ARSB: variants seen among roughly 807,000 people sequenced by gnomAD.
ARSB encodes the protein arylsulfatase B.
ARSB carries 41 observed loss-of-function variants against 50.9 expected under a neutral mutation model. The observed-to-expected ratio is 0.81, with a 90% CI of 0.63 to 1.04. ARSB has a LOEUF of 1.04. Ranked by LOEUF, ARSB falls within the 50% of genes least tolerant of loss-of-function variation. The pLI, the probability that ARSB is intolerant of heterozygous loss-of-function variation, is 0.00. For missense variants in ARSB, 672 were observed against 693.3 expected, an observed-to-expected ratio of 0.97 and a Z score of 0.35; for synonymous variants, 269 against 284.8, an observed-to-expected ratio of 0.94 and a Z score of 0.56.
intron 5 of ARSB, among the ~76,000 whole-genome samples, chr5:78,851,213 C>G (rs1245569699): frequency 6.6e-6 from 1 of 152,124 alleles, no homozygotes; most frequent in Non-Finnish European, 1.5e-5. Context: ...ATAAATTTCC[C>G]ACTACACACT....
chr5:78,848,963 T>C (rs1444496293), intron 5 of ARSB, among the ~76,000 whole-genome samples: 1 of 152,246 alleles, frequency 6.6e-6, no homozygotes, highest in Non-Finnish European at 1.5e-5. Context: ...TTCTGGATAT[T>C]AGCCCTTTGT....
chr5:78,923,247 G>C (rs540052100), intron 4 of ARSB, among the ~76,000 whole-genome samples: 132 of 152,290 alleles, frequency 8.7e-4, no homozygotes, highest in African/African-American at 2.8e-3. Flanking sequence ...TCACAGCTGG[G>C]GGATCCATGG....
chr5:78,870,975 T>C (rs1000100974), intron 5 of ARSB, among the ~76,000 whole-genome samples: 5 of 151,924 alleles, frequency 3.3e-5, no homozygotes, highest in African/African-American at 1.2e-4. Context: ...AGTCTCAGGA[T>C]ACAAAATCAA....
intron 5 of ARSB, among the ~76,000 whole-genome samples, chr5:78,879,892 T>C (rs1451527104): frequency 2.0e-5 from 3 of 152,208 alleles, no homozygotes; most frequent in African/African-American, 7.2e-5. Context: ...AGCGGTTTTT[T>C]GCTTTCTAAA....
In ARSB at chr5:78,778,896, T is replaced by C. The variant is rs193031954; in HGVS notation, c.*1501A>G. 1.3e-5 allele frequency: 2 copies of C among 152,262 alleles called. No homozygotes were observed. Among genetic ancestry groups the C allele is most frequent in the East Asian group, 3.9e-4 (2 of 5,176 alleles). 9.4% of individuals were successfully genotyped at this position (152,262 alleles called of 1,614,324 possible). On this transcript the variant is annotated 3_prime_UTR_variant, in exon 8 of 8. Coordinates refer to ENST00000264914, the MANE Select transcript of ARSB (RefSeq NM_000046.5). The stretch of plus-strand genomic sequence containing the variant: ...AGCTGGGTGTGGCGGTATATGCCTG[T>C]AGTTCCAGCTATTTGGGTGCCTGAG...
At chr5:78,794,835 G>T (rs1193578357) in intron 6 of ARSB, among the ~76,000 whole-genome samples, 1 of 152,188 alleles carries the variant, frequency 6.6e-6, no homozygotes, top group Non-Finnish European at 1.5e-5. Flanking sequence ...AACATGTGCT[G>T]TTCTGTTTTC....
At chr5:78,934,123 G>A (rs543462115) in intron 4 of ARSB, among the ~76,000 whole-genome samples, 1 of 152,300 alleles carries the variant, frequency 6.6e-6, no homozygotes, top group Admixed American at 6.5e-5. Flanking sequence ...AATGGTCTCT[G>A]CATTAGCCCT....
chr5:78,786,448 C>T (rs558487440), intron 6 of ARSB, among the ~76,000 whole-genome samples: 60 of 152,224 alleles, frequency 3.9e-4, no homozygotes, highest in Admixed American at 6.5e-4. Flanking sequence ...TTGGCGACTA[C>T]GAGTAATGTA....
chr5:78,984,611 C>G (rs950508772), intron 1 of ARSB, among the ~76,000 whole-genome samples: 8 of 152,250 alleles, frequency 5.3e-5, no homozygotes, highest in Non-Finnish European at 1.0e-4. Flanking sequence ...AGGACCGCTC[C>G]GCCTGCCGGC....
At chr5:78,831,986 A>G (rs1744715524) in intron 6 of ARSB, among the ~76,000 whole-genome samples, 2 of 152,178 alleles carry the variant, frequency 1.3e-5, no homozygotes, top group South Asian at 2.1e-4. Context: ...TTCATTTATT[A>G]GCGTGCATTC....
chr5:78,877,491 C>T (rs6876288), intron 5 of ARSB, among the ~76,000 whole-genome samples: 35,295 of 152,014 alleles, frequency 0.23, 4,917 homozygotes, highest in Admixed American at 0.31. Flanking sequence ...CGGGTTCAAG[C>T]GATTCTCCTG....
At chr5:78,983,140 G>GCCT (rs1196313107) in intron 1 of ARSB, among the ~76,000 whole-genome samples, 6 of 152,098 alleles carry the variant, frequency 3.9e-5, no homozygotes, top group Non-Finnish European at 7.4e-5. Context: ...TGCAACCTCT[G>GCCT]CCTCCCGAGT....
intron 1 of ARSB, among the ~76,000 whole-genome samples, chr5:78,980,775 A>G (rs1752870847): frequency 7.0e-6 from 1 of 142,262 alleles, no homozygotes; most frequent in Non-Finnish European, 1.5e-5. Flanking sequence ...TTTTCACTGT[A>G]AGCCCTTTTG....
At position 78,971,828 on chromosome 5, in the gene ARSB, T is replaced by C. The variant is rs372646509; in HGVS notation, c.313-2636A>G. Among the ~76,000 whole-genome samples, 15 of 152,306 alleles carry C rather than the reference T, an allele frequency of 9.8e-5. No individual in the cohort carries two copies. The East Asian group carries it at 1.5e-3, about 16-fold the overall frequency. On this transcript the variant is annotated intron_variant, in intron 1 of 7. Transcript: ENST00000264914. ...ATGTGGTGATGGTTTCACAGGTATA[T>C]ACCTATCAAAGTTTATCGAATTGTA...
At chr5:78,962,572 G>A (rs1456775965) in intron 3 of ARSB, among the ~76,000 whole-genome samples, 12 of 137,596 alleles carry the variant, frequency 8.7e-5, no homozygotes, top group Non-Finnish European at 1.7e-4. Context: ...CTGTCGCCCA[G>A]GCTGGAGTGT....
intron 4 of ARSB, among the ~76,000 whole-genome samples, chr5:78,905,230 A>T (rs1381354056): frequency 6.6e-6 from 1 of 152,110 alleles, no homozygotes; most frequent in Non-Finnish European, 1.5e-5. Context: ...CAATAGCTGC[A>T]TTAAAGTTTT....
At chr5:78,888,415 TG>T (rs944871411) in intron 4 of ARSB, among the ~76,000 whole-genome samples, 1 of 152,124 alleles carries the variant, frequency 6.6e-6, no homozygotes, top group Non-Finnish European at 1.5e-5. Context: ...AAAAATACAC[TG>T]GAAAGAAATA....
intron 4 of ARSB, among the ~76,000 whole-genome samples, chr5:78,891,687 A>G (rs1748300402): frequency 6.6e-6 from 1 of 152,238 alleles, no homozygotes; most frequent in Admixed American, 6.5e-5. Context: ...GAGCCCAGGC[A>G]CAGGGAGCAG....
At chr5:78,849,779 C>A (rs1745659405) in intron 5 of ARSB, among the ~76,000 whole-genome samples, 2 of 146,260 alleles carry the variant, frequency 1.4e-5, no homozygotes, top group East Asian at 2.0e-4. Context: ...TCCTTCACAT[C>A]CCTTGTAAGT....
Sources: gnomAD v4.1 joint callset for allele counts (sites outside exome capture counted in the v4.1 genomes callset) on GRCh38, gnomAD v4.1.1 for gene constraint, MANE v1.5 for transcripts, NCBI Gene and HGNC (gene_info 2026-07-23, HGNC 2026-07-21) for gene names.